Variants in NALCN observed in about 807,000 individuals in gnomAD.
The protein encoded by NALCN is sodium leak channel, non-selective, also known as sodium leak channel NALCN.
Under a neutral mutation model 225.3 loss-of-function variants are expected in NALCN, and 111 were observed. The ratio of observed to expected loss-of-function variants is 0.49; its 90% CI spans 0.42 to 0.58. The LOEUF (loss-of-function observed/expected upper bound fraction) is 0.58. NALCN is among the 20% of genes least tolerant of loss of function. The pLI, the probability that NALCN is intolerant of heterozygous loss-of-function variation, is 0.00. For synonymous variants in NALCN, 764 were observed against 769.0 expected (o/e 0.99, Z 0.11); for missense variants, 1,378 against 2,202.4 (o/e 0.63, Z 7.49).
At chr13:101,345,147 T>C in intron 7 of NALCN, 119 bp downstream of exon 7, 3 of 1,048,290 alleles carry the variant, frequency 2.9e-6, no homozygotes, top group Non-Finnish European at 4.0e-6. Context: ...AAATTTATAT[T>C]TGTATTTCTT....
At chr13:101,297,562 C>G (rs1290105126) in intron 7 of NALCN, among the ~76,000 whole-genome samples, 2 of 152,336 alleles carry the variant, frequency 1.3e-5, no homozygotes, top group African/African-American at 4.8e-5. Context: ...TGCTAGAGCC[C>G]ATTCACTGGA....
chr13:101,092,286 C>T (rs1322992285), intron 28 of NALCN, among the ~76,000 whole-genome samples: 1 of 152,186 alleles, frequency 6.6e-6, no homozygotes, highest in Non-Finnish European at 1.5e-5. Context: ...CCTTGGGGAA[C>T]ATGGGGGCAC....
At chr13:101,093,748 G>A (rs576640540) in intron 28 of NALCN, among the ~76,000 whole-genome samples, 1 of 152,180 alleles carries the variant, frequency 6.6e-6, no homozygotes, top group African/African-American at 2.4e-5. Flanking sequence ...CTGAATTCTT[G>A]GGGAGGTCCC....
At chr13:101,255,768 C>T (rs1254091400) in intron 11 of NALCN, among the ~76,000 whole-genome samples, 3 of 152,160 alleles carry the variant, frequency 2.0e-5, no homozygotes, top group Non-Finnish European at 4.4e-5. Flanking sequence ...CTGTCTGTGC[C>T]TCAACTGATT....
At chr13:101,162,964 C>T (rs183426385) in intron 15 of NALCN, among the ~76,000 whole-genome samples, 26 of 152,142 alleles carry the variant, frequency 1.7e-4, no homozygotes, top group Admixed American at 1.2e-3. Flanking sequence ...TTCGCAGACG[C>T]GATCTCAGCT....
At chr13:101,391,224 T>C (rs12323080) in intron 3 of NALCN, among the ~76,000 whole-genome samples, 31,645 of 151,384 alleles carry the variant, frequency 0.21, 3,951 homozygotes, top group East Asian at 0.33. Context: ...AAAATGCTAA[T>C]CAAAATAACA....
At chr13:101,233,667 C>G (rs1040937286) in intron 12 of NALCN, among the ~76,000 whole-genome samples, 1 of 152,036 alleles carries the variant, frequency 6.6e-6, no homozygotes, top group African/African-American at 2.4e-5. Context: ...CCATCATCTG[C>G]TAGGTATGCG....
At chr13:101,342,585 A>G (rs573376360) in intron 7 of NALCN, among the ~76,000 whole-genome samples, 2 of 152,304 alleles carry the variant, frequency 1.3e-5, no homozygotes, top group Non-Finnish European at 2.9e-5. Flanking sequence ...GAATATTGCT[A>G]TCCTGCTGGT....
chr13:101,416,996 A>C (rs1386380408), upstream of NALCN, among the ~76,000 whole-genome samples: 1 of 152,204 alleles, frequency 6.6e-6, no homozygotes, highest in Non-Finnish European at 1.5e-5. Context: ...TGCATCAGTC[A>C]CACTTATAGT....
At chr13:101,113,600 G>A (rs1204436614) in intron 18 of NALCN, among the ~76,000 whole-genome samples, 5 of 152,164 alleles carry the variant, frequency 3.3e-5, no homozygotes, top group Admixed American at 6.5e-5. Flanking sequence ...ATTTTTTAAA[G>A]GGAATACAAT....
chr13:101,203,343 G>A (rs1227053967), intron 13 of NALCN, among the ~76,000 whole-genome samples: 1 of 152,130 alleles, frequency 6.6e-6, no homozygotes, highest in Non-Finnish European at 1.5e-5. Flanking sequence ...AGTCTCCTAA[G>A]TAGCTGGGAT....
At chr13:101,294,446 T>C (rs890090653) in intron 7 of NALCN, among the ~76,000 whole-genome samples, 3 of 152,060 alleles carry the variant, frequency 2.0e-5, no homozygotes, top group Non-Finnish European at 4.4e-5. Context: ...ACCCCATAAA[T>C]ATGTACAATT....
At chr13:101,356,873 G>C (rs114917289) in intron 6 of NALCN, among the ~76,000 whole-genome samples, 1 of 152,128 alleles carries the variant, frequency 6.6e-6, no homozygotes, top group Admixed American at 6.6e-5. Context: ...GAAGTGTAAG[G>C]CTGGTTCAGC....
intron 7 of NALCN, among the ~76,000 whole-genome samples, chr13:101,321,801 T>G (rs2044754524): frequency 6.6e-6 from 1 of 152,130 alleles, no homozygotes; most frequent in Non-Finnish European, 1.5e-5. Flanking sequence ...AAAGTGAGTT[T>G]CAAAGTCAAA....
intron 6 of NALCN, among the ~76,000 whole-genome samples, chr13:101,374,898 T>C (rs1264806758): frequency 6.6e-6 from 1 of 152,226 alleles, no homozygotes; most frequent in Non-Finnish European, 1.5e-5. Flanking sequence ...TTGCATAATA[T>C]ACATATACTG....
chr13:101,398,941 G>T, intron 2 of NALCN, 78 bp downstream of exon 2: 4 of 928,662 alleles, frequency 4.3e-6, no homozygotes, highest in Non-Finnish European at 5.3e-6. Context: ...GAAGCCAAAG[G>T]TACATGATAT....
rs17677552 is a variant in NALCN at position 101,082,860 on chromosome 13, G to A, written c.3714C>T (p.Thr1238=). ...CAACTGACATTGTTGCCAAAGGTAC[G>A]GTCACCGGGTCCTCGACGTCCCACT... is the stretch of plus-strand genomic sequence containing the variant. ...SVKWDVEDPV[T]VPLATMSVVF... The change falls in exon 33 of 44, where the codon ACC becomes ACT. Residue 1238 remains threonine, a synonymous_variant. Coordinates refer to ENST00000251127, the MANE Select transcript of NALCN (RefSeq NM_052867.4). 0.35 allele frequency: 567,623 copies of A among 1,613,572 alleles called. 103,286 individuals carry two copies. Among genetic ancestry groups the A allele is most frequent in the East Asian group, 0.43 (19,413 of 44,852 alleles).
intron 14 of NALCN, among the ~76,000 whole-genome samples, chr13:101,190,075 T>C (rs1400144061): frequency 1.3e-5 from 2 of 152,236 alleles, no homozygotes; most frequent in Non-Finnish European, 2.9e-5. Flanking sequence ...AAAATATTAC[T>C]TTACTAAATA....
intron 6 of NALCN, among the ~76,000 whole-genome samples, chr13:101,349,565 T>C (rs1432036127): frequency 2.0e-5 from 3 of 152,242 alleles, no homozygotes; most frequent in East Asian, 1.9e-4. Context: ...GATGTGAGTA[T>C]GGGAGGAAGA....
Sources: gnomAD v4.1 joint callset for allele counts (sites outside exome capture counted in the v4.1 genomes callset) on GRCh38, gnomAD v4.1.1 for gene constraint, MANE v1.5 for transcripts, NCBI Gene and HGNC (gene_info 2026-07-23, HGNC 2026-07-21) for gene names.